The following CMKLR1 variants were observed in gnomAD, a reference collection of about 807,000 sequenced individuals.
CMKLR1 encodes the protein chemerin chemokine-like receptor 1, also known as chemerin-like receptor 1.
In CMKLR1, 6 loss-of-function variants were observed where a neutral mutation model predicts 8.2. That is an observed-to-expected ratio of 0.73 (90% CI 0.40 to 1.44). The LOEUF (loss-of-function observed/expected upper bound fraction) is 1.44. Ranked by LOEUF, CMKLR1 falls within the 40% of genes most tolerant of loss-of-function variation. The probability of loss-of-function intolerance (pLI) is 0.02; values close to 1 mark genes in which losing one functional copy is unlikely to be tolerated. For missense variants in CMKLR1, 429 were observed against 478.0 expected (o/e 0.90, Z 0.96); for synonymous variants, 178 against 181.2 (o/e 0.98, Z 0.14).
At chr12:108,329,955 A>G (rs754281259) in intron 2 of CMKLR1, 40 bp downstream of exon 2, 1 of 152,168 alleles carries the variant, frequency 6.6e-6, no homozygotes, top group Non-Finnish European at 1.5e-5. Flanking sequence ...GATTGTCTTT[A>G]AAGATAGACT....
chr12:108,298,251 G>T (rs994226661), intron 2 of CMKLR1, among the ~76,000 whole-genome samples: 17 of 152,176 alleles, frequency 1.1e-4, no homozygotes, highest in Non-Finnish European at 2.4e-4. Flanking sequence ...TTACTTCCTT[G>T]TAATAACTAA....
chr12:108,292,245 A>G lies in CMKLR1; in HGVS notation c.718T>C (p.Tyr240His). ...TGCAGTTTGCACACGATGGTGAGGT[A>G]GCAAGCTGTGATGATGAGGACTGGG... ...LVPVLIITAC[Y>H]LTIVCKLQRN... The change falls in exon 4 of 4, where the codon TAC becomes CAC. Residue 240 changes from tyrosine to histidine, a missense_variant. By Grantham distance (83) the Tyr-to-His change is moderately conservative. Transcript: ENST00000550402. 4 of 1,614,070 alleles carry G rather than the reference A, an allele frequency of 2.5e-6. No individual in the cohort carries two copies. Among genetic ancestry groups the G allele is most frequent in the Non-Finnish European group, 2.5e-6 (3 of 1,179,950 alleles).
intron 2 of CMKLR1, among the ~76,000 whole-genome samples, chr12:108,321,265 C>A (rs574522612): frequency 4.6e-5 from 7 of 152,212 alleles, no homozygotes; most frequent in Non-Finnish European, 1.0e-4. Context: ...AAAAACCTCA[C>A]TCATACAAAA....
chr12:108,316,698 T>C (rs533996833), intron 2 of CMKLR1, among the ~76,000 whole-genome samples: 217 of 152,338 alleles, frequency 1.4e-3, no homozygotes, highest in South Asian at 3.1e-3. Context: ...CTATTGCATT[T>C]GCATACATTT....
intron 2 of CMKLR1, among the ~76,000 whole-genome samples, chr12:108,299,957 A>G (rs1462900185): frequency 1.3e-5 from 2 of 152,288 alleles, no homozygotes; most frequent in African/African-American, 2.4e-5. Flanking sequence ...CGTCCTGCTC[A>G]CCCATGTGGG....
intron 1 of CMKLR1, among the ~76,000 whole-genome samples, chr12:108,334,719 G>T (rs544703454): frequency 6.6e-6 from 1 of 152,252 alleles, no homozygotes; most frequent in East Asian, 1.9e-4. Flanking sequence ...GATGTTTTTC[G>T]TTCAAATCCC....
At chr12:108,310,937 A>G (rs765985146) in intron 2 of CMKLR1, among the ~76,000 whole-genome samples, 21 of 151,752 alleles carry the variant, frequency 1.4e-4, no homozygotes, top group Non-Finnish European at 2.8e-4. Flanking sequence ...GAGGCAGGTA[A>G]GTTCGAAGAC....
chr12:108,305,860 G>A (rs1357099609), intron 2 of CMKLR1, among the ~76,000 whole-genome samples: 1 of 152,156 alleles, frequency 6.6e-6, no homozygotes, highest in Non-Finnish European at 1.5e-5. Flanking sequence ...CGGAGCTTAG[G>A]ACTCCATAAG....
intron 2 of CMKLR1, among the ~76,000 whole-genome samples, chr12:108,294,736 C>G (rs1195121403): frequency 6.6e-6 from 1 of 152,122 alleles, no homozygotes; most frequent in Non-Finnish European, 1.5e-5. Context: ...CCCCAGAGCC[C>G]ATGCACTTTT....
chr12:108,294,273 G>C (rs1891069662), intron 2 of CMKLR1, among the ~76,000 whole-genome samples: 1 of 152,208 alleles, frequency 6.6e-6, no homozygotes, highest in African/African-American at 2.4e-5. Flanking sequence ...TGAGATGCAG[G>C]CTCTGAAGCC....
At chr12:108,294,713 C>T (rs577081124) in intron 2 of CMKLR1, among the ~76,000 whole-genome samples, 1 of 152,184 alleles carries the variant, frequency 6.6e-6, no homozygotes, top group Admixed American at 6.5e-5. Context: ...GATTTAAAAC[C>T]AAGGCTCTGA....
In CMKLR1 at chr12:108,288,999, A is replaced by G. The variant is rs17041392; in HGVS notation, c.*2842T>C. On this transcript the variant is annotated 3_prime_UTR_variant, in exon 4 of 4. Coordinates refer to ENST00000550402, the MANE Select transcript of CMKLR1 (RefSeq NM_001142343.2). ...TGATGGTCCCCTTCTGCCAGGGCCA[A>G]TTTGAGGTTTCAGTGTTTGTGCCTG... The G allele has an allele frequency of 0.088, 13,103 of 149,548 alleles. 884 individuals are homozygous for G. The highest frequency in any genetic ancestry group is 0.19 in the African/African-American group (7,860 of 40,354). 9.3% of individuals were successfully genotyped at this position (149,548 alleles called of 1,614,324 possible). A position where few individuals can be genotyped will look rare whatever the true frequency, so the allele number is the denominator to read the frequency against.
At chr12:108,295,981 C>A (rs934512732) in intron 2 of CMKLR1, among the ~76,000 whole-genome samples, 3 of 152,206 alleles carry the variant, frequency 2.0e-5, no homozygotes, top group African/African-American at 7.2e-5. Context: ...CCTAACTCCT[C>A]ATCCTTCCAG....
At chr12:108,318,555 G>A (rs1891786537) in intron 2 of CMKLR1, among the ~76,000 whole-genome samples, 1 of 152,198 alleles carries the variant, frequency 6.6e-6, no homozygotes, top group African/African-American at 2.4e-5. Context: ...AGAATTCTGT[G>A]GATATATGAC....
At chr12:108,304,673 C>T (rs1891361281) in intron 2 of CMKLR1, among the ~76,000 whole-genome samples, 1 of 152,120 alleles carries the variant, frequency 6.6e-6, no homozygotes, top group Non-Finnish European at 1.5e-5. Context: ...TCAGTCTCCA[C>T]CTCCTCCTCT....
chr12:108,326,197 T>C (rs1401737168), intron 2 of CMKLR1, among the ~76,000 whole-genome samples: 2 of 152,220 alleles, frequency 1.3e-5, no homozygotes, highest in African/African-American at 2.4e-5. Flanking sequence ...AAACTTCTCC[T>C]ATGAAATTGA....
chr12:108,292,238 G>T lies in CMKLR1; in HGVS notation c.725C>A (p.Thr242Asn), dbSNP rs1291121093. Residue 242 changes from threonine to asparagine, a missense_variant, in exon 4 of 4, where the codon ACC becomes AAC. Thr to Asn is a moderately conservative substitution (Grantham distance 65). Coordinates refer to ENST00000550402, the MANE Select transcript of CMKLR1 (RefSeq NM_001142343.2). ...GTTGCGCTGCAGTTTGCACACGATG[G>T]TGAGGTAGCAAGCTGTGATGATGAG... ...PVLIITACYL[T>N]IVCKLQRNRL... is the part of the protein sequence containing the mutation. 3 of 1,614,062 alleles carry T rather than the reference G, an allele frequency of 1.9e-6. No homozygotes were observed. In the Admixed American group the frequency reaches 5.0e-5, roughly 27 times the overall value.
At position 108,291,664 on chromosome 12, in the gene CMKLR1, TC is replaced by T. The variant is rs2137289794; in HGVS notation, c.*176del. 1.5e-6 allele frequency: 1 copy of T among 672,984 alleles called. No individual in the cohort carries two copies. Among genetic ancestry groups the T allele is most frequent in the Non-Finnish European group, 2.6e-6 (1 of 389,646 alleles). The allele number at this position is 672,984 out of a possible 1,614,324, so 41.7% of individuals were successfully genotyped here. A position where few individuals can be genotyped will look rare whatever the true frequency, so the allele number is the denominator to read the frequency against. ...GCTGTATGGAACACAGCATGTTCTG[TC>T]CACTAGAAGAAAGGGGTTCCAGGCC... On this transcript the variant is annotated 3_prime_UTR_variant, in exon 4 of 4. Transcript: ENST00000550402.
chr12:108,290,259 C>T lies in CMKLR1; in HGVS notation c.*1582G>A, dbSNP rs1220704945. 1.3e-5 allele frequency: 2 copies of T among 152,200 alleles called. No homozygotes were observed. The highest frequency in any genetic ancestry group is 4.8e-5 in the African/African-American group (2 of 41,458). 9.4% of individuals were successfully genotyped at this position (152,200 alleles called of 1,614,324 possible). On this transcript the variant is annotated 3_prime_UTR_variant, in exon 4 of 4. Transcript: ENST00000550402. ...TTTTAAGTCCTTCCCAACTCTGCAGCCTCATTTGAGCCAGGCAAACTGAAG... is the reference window on the plus strand; with the variant it reads ...TTTTAAGTCCTTCCCAACTCTGCAGTCTCATTTGAGCCAGGCAAACTGAAG...
Sources: allele counts gnomAD v4.1 joint callset (sites outside exome capture counted in the v4.1 genomes callset), GRCh38; gene constraint gnomAD v4.1.1; transcripts MANE v1.5; gene names NCBI Gene and HGNC (gene_info 2026-07-23, HGNC 2026-07-21).